TRPM6: variants seen among roughly 807,000 people sequenced by gnomAD.
TRPM6 encodes the protein channel kinase 2.
In TRPM6, 111 loss-of-function variants were observed where a neutral mutation model predicts 247.6. That is an observed-to-expected ratio of 0.45 (90% CI 0.38 to 0.52). The LOEUF (loss-of-function observed/expected upper bound fraction) is 0.52, where lower values mean the gene tolerates loss of function less well. TRPM6 is among the 20% of genes least tolerant of loss of function. The pLI is 0.00. For synonymous variants in TRPM6, 892 were observed against 853.8 expected (o/e 1.04, Z -0.78); for missense variants, 2,126 against 2,421.5 (o/e 0.88, Z 2.56).
chr9:74,881,095 G>A (rs892443045), intron 1 of TRPM6, among the ~76,000 whole-genome samples: 1 of 151,982 alleles, frequency 6.6e-6, no homozygotes, highest in Non-Finnish European at 1.5e-5. Flanking sequence ...AGGAGTTCAA[G>A]ACCAGCCTGG....
At chr9:74,862,642 T>A (rs112501173) in intron 1 of TRPM6, among the ~76,000 whole-genome samples, 7 of 152,210 alleles carry the variant, frequency 4.6e-5, no homozygotes, top group African/African-American at 1.2e-4. Flanking sequence ...ATACATCTTA[T>A]ATGCACAGAC....
chr9:74,778,527 T>A (rs553933165), intron 23 of TRPM6, among the ~76,000 whole-genome samples: 57 of 152,306 alleles, frequency 3.7e-4, no homozygotes, highest in African/African-American at 1.3e-3. Context: ...GTTCCACTGA[T>A]CCCTGGACGC....
chr9:74,886,008 T>C (rs1159483355), intron 1 of TRPM6, among the ~76,000 whole-genome samples: 1 of 152,214 alleles, frequency 6.6e-6, no homozygotes, highest in Non-Finnish European at 1.5e-5. Flanking sequence ...AGTTTTGGCA[T>C]AGATGTCCTA....
chr9:74,747,228 A>G (rs1449002818), intron 31 of TRPM6, among the ~76,000 whole-genome samples: 3 of 152,210 alleles, frequency 2.0e-5, no homozygotes, highest in Non-Finnish European at 4.4e-5. Context: ...AAAGCTAGGT[A>G]AATCAAGAAA....
Position 74,761,674 on chromosome 9 carries a change from G to T in TRPM6, c.4785+22C>A, listed in dbSNP as rs759484325. The T allele has an allele frequency of 1.6e-5, 23 of 1,480,042 alleles. No individual in the cohort carries two copies. The South Asian group carries it at 1.6e-4, about 10-fold the overall frequency. The allele number at this position is 1,480,042 out of a possible 1,614,324, so 91.7% of individuals were successfully genotyped here. ...TACCTTGACTGCTCAAAACCTAAAA[G>T]ACAGAATAACAGTACACTTACTGGC... On this transcript the variant is annotated intron_variant, in intron 27 of 38. Coordinates refer to ENST00000360774, the MANE Select transcript of TRPM6 (RefSeq NM_017662.5).
At chr9:74,858,626 G>A in intron 2 of TRPM6, 43 bp downstream of exon 2, 2 of 1,259,228 alleles carry the variant, frequency 1.6e-6, no homozygotes, top group Non-Finnish European at 1.2e-6. Flanking sequence ...TAGTCCATCA[G>A]GTAGTGTTGC....
intron 36 of TRPM6, chr9:74,737,589 G>C (rs1372087094): frequency 2.3e-6 from 1 of 442,854 alleles, no homozygotes; most frequent in Non-Finnish European, 3.9e-6. Context: ...CTTAAGAACA[G>C]CTTAAGTCTG....
intron 36 of TRPM6, among the ~76,000 whole-genome samples, chr9:74,733,998 T>A (rs1825611064): frequency 6.6e-6 from 1 of 152,222 alleles, no homozygotes; most frequent in Non-Finnish European, 1.5e-5. Context: ...TTTCTAAACG[T>A]ATATAAGTCT....
intron 16 of TRPM6, among the ~76,000 whole-genome samples, 200 bp downstream of exon 16, chr9:74,801,698 C>T (rs1161690477): frequency 6.6e-6 from 1 of 152,132 alleles, no homozygotes; most frequent in East Asian, 1.9e-4. Context: ...AACCCAAGTC[C>T]CCTGACTTGA....
rs199505525 is a variant in TRPM6, at chr9:74,742,524, C to A, written c.5200+37G>T. On this transcript the variant is annotated intron_variant, in intron 33 of 38. Transcript: ENST00000360774. ...ATTCACTCAGATTTTATGCCTCTGT[C>A]CTGGCATAAACTCAAGAAGGTAGAA... is the stretch of plus-strand genomic sequence containing the variant. The A allele has an allele frequency of 1.9e-6, 3 of 1,583,066 alleles. No individual in the cohort carries two copies. The African/African-American group carries it at 4.0e-5, about 21-fold the overall frequency.
At chr9:74,860,411 C>T (rs866927063) in intron 1 of TRPM6, among the ~76,000 whole-genome samples, 2 of 151,910 alleles carry the variant, frequency 1.3e-5, no homozygotes, top group Non-Finnish European at 2.9e-5. Flanking sequence ...TGGCTCACTG[C>T]AATCTGGCGC....
At position 74,733,750 on chromosome 9, in the gene TRPM6, G is replaced by T. The variant is rs138703502; in HGVS notation, c.5777-1014C>A. 4.3e-3 allele frequency among the ~76,000 whole-genome samples: 660 copies of T among 151,740 alleles called. 4 individuals carry two copies. Among genetic ancestry groups the T allele is most frequent in the Non-Finnish European group, 6.4e-3 (434 of 67,898 alleles). On this transcript the variant is annotated intron_variant, in intron 36 of 38. Coordinates refer to ENST00000360774, the MANE Select transcript of TRPM6 (RefSeq NM_017662.5). ...ATTTTGCACTTTTAGTAGAGACCAG[G>T]TTTCTCCATGTTGGTCAGGCTGGTC...
At chr9:74,798,808 T>G (rs1828194955) in intron 17 of TRPM6, among the ~76,000 whole-genome samples, 1 of 152,202 alleles carries the variant, frequency 6.6e-6, no homozygotes, top group Non-Finnish European at 1.5e-5. Flanking sequence ...CCTTTTTTAT[T>G]ATTAACTCAC....
At chr9:74,771,926 T>C (rs934120332) in intron 24 of TRPM6, 91 bp from the exon 25 acceptor site, 1 of 1,212,806 alleles carries the variant, frequency 8.2e-7, no homozygotes, top group South Asian at 1.2e-5. Context: ...AATGAGAAAC[T>C]ATAGCCTGTT....
chr9:74,806,132 A>C (rs1453380313), intron 14 of TRPM6, among the ~76,000 whole-genome samples: 2 of 152,148 alleles, frequency 1.3e-5, no homozygotes, highest in South Asian at 2.1e-4. Flanking sequence ...ATCTGGGGGC[A>C]GGAGGTTGGC....
At chr9:74,879,932 G>A (rs1831308917) in intron 1 of TRPM6, among the ~76,000 whole-genome samples, 1 of 152,206 alleles carries the variant, frequency 6.6e-6, no homozygotes, top group Non-Finnish European at 1.5e-5. Flanking sequence ...TCCATCTGAA[G>A]GAGGCAGATG....
At chr9:74,835,238 A>G (rs1293449024) in intron 5 of TRPM6, among the ~76,000 whole-genome samples, 1 of 152,184 alleles carries the variant, frequency 6.6e-6, no homozygotes, top group Non-Finnish European at 1.5e-5. Flanking sequence ...TCTTCTAATG[A>G]AAAGTGTCTG....
intron 2 of TRPM6, among the ~76,000 whole-genome samples, chr9:74,856,483 G>GTGTC (rs1260373748): frequency 2.0e-5 from 3 of 151,536 alleles, no homozygotes; most frequent in Non-Finnish European, 2.9e-5. Context: ...GTGTGTGTGT[G>GTGTC]TGTGTGAAGA....
At chr9:74,809,595 TA>T (rs1422771192) in intron 13 of TRPM6, among the ~76,000 whole-genome samples, 4 of 152,160 alleles carry the variant, frequency 2.6e-5, no homozygotes, top group African/African-American at 4.8e-5. Context: ...TGGCACAGTT[TA>T]AAAAAAATAA....
Sources: allele counts gnomAD v4.1 joint callset (sites outside exome capture counted in the v4.1 genomes callset), GRCh38; gene constraint gnomAD v4.1.1; transcripts MANE v1.5; gene names NCBI Gene and HGNC (gene_info 2026-07-23, HGNC 2026-07-21).